The following STPG2 variants were observed in gnomAD, a reference collection of about 807,000 sequenced individuals.
The protein encoded by STPG2 is sperm-tail PG-rich repeat-containing protein 2.
STPG2 carries 56 observed loss-of-function variants against 54.2 expected under a neutral mutation model. That is an observed-to-expected ratio of 1.03 (90% confidence interval 0.83 to 1.29). The LOEUF (loss-of-function observed/expected upper bound fraction) is 1.29, where lower values mean the gene tolerates loss of function less well. STPG2 is among the 50% of genes most tolerant of loss of function. The pLI is 0.00. For missense variants in STPG2, 596 were observed against 544.9 expected (o/e 1.09, Z -0.93); for synonymous variants, 200 against 181.8 (o/e 1.10, Z -0.81).
chr4:97,943,560 A>G (rs1712338120), intron 8 of STPG2, among the ~76,000 whole-genome samples: 1 of 152,198 alleles, frequency 6.6e-6, no homozygotes, highest in South Asian at 2.1e-4. Context: ...TGAAAAGAGA[A>G]AACATTTGCA....
downstream of STPG2, among the ~76,000 whole-genome samples, chr4:97,555,288 C>A (rs942049280): frequency 4.6e-5 from 7 of 152,094 alleles, no homozygotes; most frequent in African/African-American, 1.7e-4. Context: ...CCCATGTATA[C>A]AGGAAGTATA....
chr4:98,033,281 A>G (rs28872559), intron 5 of STPG2, among the ~76,000 whole-genome samples: 59,885 of 151,856 alleles, frequency 0.39, 12,035 homozygotes, highest in Middle Eastern at 0.46. Context: ...TATCACCACC[A>G]ATCCCACAGA....
intron 9 of STPG2, among the ~76,000 whole-genome samples, chr4:97,757,986 T>G (rs752788651): frequency 6.6e-6 from 1 of 152,342 alleles, no homozygotes. Flanking sequence ...TGTAGAATAC[T>G]AAACAATTTT....
intron 4 of STPG2, among the ~76,000 whole-genome samples, chr4:97,500,729 T>A (rs980449930): frequency 3.3e-5 from 5 of 152,018 alleles, no homozygotes; most frequent in Non-Finnish European, 5.9e-5. Flanking sequence ...TAAATATTGC[T>A]AATTAATAAT....
chr4:98,038,767 A>C (rs1736853381), intron 5 of STPG2, among the ~76,000 whole-genome samples: 1 of 152,100 alleles, frequency 6.6e-6, no homozygotes, highest in Admixed American at 6.6e-5. Flanking sequence ...GCCAAGGATT[A>C]GAAAATATTA....
At chr4:97,913,412 T>C (rs1324983819) in intron 8 of STPG2, among the ~76,000 whole-genome samples, 5 of 152,120 alleles carry the variant, frequency 3.3e-5, no homozygotes, top group Non-Finnish European at 7.4e-5. Context: ...GAAATACCAA[T>C]TAGAAATCCA....
At chr4:97,667,169 A>T (rs894903527) in intron 10 of STPG2, among the ~76,000 whole-genome samples, 14 of 152,252 alleles carry the variant, frequency 9.2e-5, no homozygotes, top group African/African-American at 3.4e-4. Context: ...GAAACTAGAA[A>T]TATAAACTTT....
chr4:97,947,727 A>G (rs1219906122), intron 7 of STPG2, among the ~76,000 whole-genome samples: 1 of 151,970 alleles, frequency 6.6e-6, no homozygotes, highest in Non-Finnish European at 1.5e-5. Context: ...CTTATGTTAA[A>G]CCATCCCTGC....
chr4:97,543,537 G>A (rs921234413), intron 4 of STPG2, among the ~76,000 whole-genome samples: 9 of 151,766 alleles, frequency 5.9e-5, no homozygotes, highest in South Asian at 2.1e-4. Flanking sequence ...GAAGAAACAC[G>A]CCAAACAATT....
intron 8 of STPG2, among the ~76,000 whole-genome samples, chr4:97,856,365 A>T (rs1187223570): frequency 6.6e-6 from 1 of 152,194 alleles, no homozygotes; most frequent in Non-Finnish European, 1.5e-5. Context: ...CTCCTTAAAA[A>T]GATCCTTCAC....
intron 7 of STPG2, among the ~76,000 whole-genome samples, chr4:97,957,678 G>A (rs1733731983): frequency 6.6e-6 from 1 of 152,142 alleles, no homozygotes; most frequent in Non-Finnish European, 1.5e-5. Context: ...AGAAGCACCA[G>A]GTAACCTATA....
chr4:97,919,314 A>T (rs1310581113), intron 8 of STPG2, among the ~76,000 whole-genome samples: 2 of 151,650 alleles, frequency 1.3e-5, no homozygotes, highest in Admixed American at 1.3e-4. Context: ...AATGAAAATC[A>T]CAAGAAATGC....
Position 98,134,321 on chromosome 4 carries a change from G to C in STPG2, c.222+26C>G, listed in dbSNP as rs1740077557. The C allele has an allele frequency of 2.2e-6, 3 of 1,374,232 alleles. No homozygotes were observed. The African/African-American group carries it at 4.4e-5, about 20-fold the overall frequency. The allele number at this position is 1,374,232 out of a possible 1,614,324, so 85.1% of individuals were successfully genotyped here. On this transcript the variant is annotated intron_variant, in intron 2 of 10. Coordinates refer to ENST00000295268, the MANE Select transcript of STPG2 (RefSeq NM_174952.3). ...AGGGAAGAAAACATGGTTTTATTAA[G>C]TCAATTATAGTAACTATAAAGTTAC... is the stretch of plus-strand genomic sequence containing the variant.
chr4:97,563,528 G>C (rs891989888), intron 10 of STPG2, among the ~76,000 whole-genome samples: 4 of 152,138 alleles, frequency 2.6e-5, no homozygotes, highest in Admixed American at 2.6e-4. Flanking sequence ...TAATTGTGAT[G>C]TTAGGTTGTC....
intron 4 of STPG2, among the ~76,000 whole-genome samples, chr4:98,107,055 C>T (rs1003244289): frequency 6.6e-6 from 1 of 152,138 alleles, no homozygotes; most frequent in Non-Finnish European, 1.5e-5. Flanking sequence ...GCTAAAGGCT[C>T]ACCTCCTCAC....
intron 8 of STPG2, among the ~76,000 whole-genome samples, chr4:97,888,329 C>A (rs558971109): frequency 1.3e-5 from 2 of 152,288 alleles, no homozygotes; most frequent in African/African-American, 2.4e-5. Context: ...CCCTTGAGAG[C>A]AGCCATGGGG....
chr4:97,563,373 T>A (rs1410258105), intron 10 of STPG2, among the ~76,000 whole-genome samples: 1 of 152,072 alleles, frequency 6.6e-6, no homozygotes, highest in African/African-American at 2.4e-5. Flanking sequence ...ATTTTGTTGA[T>A]CCTTTCAAAA....
intron 5 of STPG2, among the ~76,000 whole-genome samples, chr4:98,023,161 G>T (rs1736286200): frequency 6.6e-6 from 1 of 152,096 alleles, no homozygotes; most frequent in African/African-American, 2.4e-5. Flanking sequence ...TCTACTTTTG[G>T]TCTTTGATGA....
chr4:97,532,246 A>G (rs1356257927), intron 4 of STPG2, among the ~76,000 whole-genome samples: 1 of 152,096 alleles, frequency 6.6e-6, no homozygotes, highest in Non-Finnish European at 1.5e-5. Context: ...ATAGTTCAAT[A>G]TATGTTTTAT....
Sources: allele counts gnomAD v4.1 joint callset (sites outside exome capture counted in the v4.1 genomes callset), GRCh38; gene constraint gnomAD v4.1.1; transcripts MANE v1.5; gene names NCBI Gene and HGNC (gene_info 2026-07-23, HGNC 2026-07-21).